The following TAFA1 variants were observed in gnomAD, a reference collection of about 807,000 sequenced individuals.
TAFA1 encodes chemokine-like protein TAFA-1.
In TAFA1, 4 loss-of-function variants were observed where a neutral mutation model predicts 18.5. The ratio of observed to expected loss-of-function variants is 0.22; its 90% CI spans 0.11 to 0.49. The LOEUF is 0.49. TAFA1 is among the 20% of genes least tolerant of loss of function. The pLI, the probability that TAFA1 is intolerant of heterozygous loss-of-function variation, is 0.98. For missense variants in TAFA1, 147 were observed against 169.0 expected (o/e 0.87, Z 0.72); for synonymous variants, 56 against 55.2 (o/e 1.01, Z -0.06).
At chr3:68,382,538 G>A (rs879457133) in intron 2 of TAFA1, among the ~76,000 whole-genome samples, 2 of 151,970 alleles carry the variant, frequency 1.3e-5, no homozygotes, top group Non-Finnish European at 2.9e-5. Flanking sequence ...TCGTTATGGG[G>A]CCTTATTTCT....
chr3:68,245,331 C>T (rs79557653), intron 2 of TAFA1, among the ~76,000 whole-genome samples: 3 of 152,286 alleles, frequency 2.0e-5, no homozygotes, highest in African/African-American at 7.2e-5. Flanking sequence ...TGATTTTTAG[C>T]AGAGGCCATG....
chr3:68,221,056 C>A (rs540734775), intron 2 of TAFA1, among the ~76,000 whole-genome samples: 1 of 152,148 alleles, frequency 6.6e-6, no homozygotes, highest in Non-Finnish European at 1.5e-5. Context: ...TCAAGTCCCA[C>A]GGGTCACACA....
chr3:68,043,593 G>A (rs1021891343), intron 2 of TAFA1, among the ~76,000 whole-genome samples: 1 of 152,126 alleles, frequency 6.6e-6, no homozygotes, highest in Non-Finnish European at 1.5e-5. Flanking sequence ...TTTTTCTCTG[G>A]CATCTAAAAG....
chr3:68,399,767 G>T (rs1004623358), intron 2 of TAFA1, among the ~76,000 whole-genome samples: 1 of 152,096 alleles, frequency 6.6e-6, no homozygotes, highest in East Asian at 1.9e-4. Flanking sequence ...GAGGTACATA[G>T]TTGGAACACT....
chr3:68,131,733 TG>T (rs2065540529), intron 2 of TAFA1, among the ~76,000 whole-genome samples: 1 of 152,216 alleles, frequency 6.6e-6, no homozygotes. Context: ...GTATCCTGGC[TG>T]GAGTTCAGCT....
the TAFA1 span, among the ~76,000 whole-genome samples, chr3:67,996,748 G>A: frequency 2.0e-5 from 3 of 151,640 alleles, no homozygotes; most frequent in South Asian, 4.2e-4. Flanking sequence ...GCAGTGAGCC[G>A]AGGTCACTGT....
At chr3:68,354,419 G>A (rs2069326480) in intron 2 of TAFA1, among the ~76,000 whole-genome samples, 1 of 151,844 alleles carries the variant, frequency 6.6e-6, no homozygotes, top group Admixed American at 6.6e-5. Context: ...GGCATGACAT[G>A]TGCCTTCATT....
chr3:68,100,228 T>C (rs916628513), intron 2 of TAFA1, among the ~76,000 whole-genome samples: 1 of 152,186 alleles, frequency 6.6e-6, no homozygotes, highest in Non-Finnish European at 1.5e-5. Context: ...TTCATGCCTG[T>C]AATCCCAGCA....
At chr3:68,445,465 T>G (rs114459025) in intron 3 of TAFA1, among the ~76,000 whole-genome samples, 2,109 of 152,308 alleles carry the variant, frequency 0.014, 56 homozygotes, top group Non-Finnish European at 0.014. Flanking sequence ...ATGGGCAAAC[T>G]AATTTTCTCT....
chr3:68,428,360 C>A lies in TAFA1; in HGVS notation c.259+10940C>A, dbSNP rs185136831. 4.7e-4 allele frequency among the ~76,000 whole-genome samples: 72 copies of A among 151,940 alleles called. No homozygotes were observed. In the East Asian group the frequency reaches 0.013, roughly 27 times the overall value. ...TTTGTTCCAGCCATTTTATTAGCTG[C>A]CTTCAAGTGAAGACCATCCATTAAC... On this transcript the variant is annotated intron_variant, in intron 3 of 4. Transcript: ENST00000478136.
At chr3:68,472,746 C>G (rs547860738) in intron 3 of TAFA1, among the ~76,000 whole-genome samples, 1 of 151,904 alleles carries the variant, frequency 6.6e-6, no homozygotes, top group African/African-American at 2.4e-5. Flanking sequence ...AAATAAAATG[C>G]CTATAAATCA....
intron 3 of TAFA1, among the ~76,000 whole-genome samples, chr3:68,517,888 TA>T (rs1179718068): frequency 6.6e-6 from 1 of 151,826 alleles, no homozygotes; most frequent in Admixed American, 6.6e-5. Flanking sequence ...GCACAGTTCC[TA>T]AAATATACCC....
intron 3 of TAFA1, among the ~76,000 whole-genome samples, chr3:68,476,807 T>C (rs2072105906): frequency 6.6e-6 from 1 of 152,206 alleles, no homozygotes; most frequent in Non-Finnish European, 1.5e-5. Context: ...CCAATATTAG[T>C]TATAACTATT....
At chr3:68,229,234 A>G (rs1352602932) in intron 2 of TAFA1, among the ~76,000 whole-genome samples, 1 of 152,214 alleles carries the variant, frequency 6.6e-6, no homozygotes, top group East Asian at 1.9e-4. Flanking sequence ...AGTCAAGCAG[A>G]TAACTAAGAT....
chr3:68,027,331 A>G (rs920331000), intron 2 of TAFA1, among the ~76,000 whole-genome samples: 1 of 152,132 alleles, frequency 6.6e-6, no homozygotes, highest in Admixed American at 6.6e-5. Context: ...GGGGCTATGG[A>G]AGATGTGGAT....
At chr3:68,115,169 T>A (rs2065310083) in intron 2 of TAFA1, among the ~76,000 whole-genome samples, 2 of 152,206 alleles carry the variant, frequency 1.3e-5, no homozygotes, top group Non-Finnish European at 2.9e-5. Flanking sequence ...TTTTATTTCT[T>A]GACTTGAGTG....
chr3:68,123,878 CAAAAAA>C (rs758966848), intron 2 of TAFA1, among the ~76,000 whole-genome samples: 4 of 72,140 alleles, frequency 5.5e-5, no homozygotes, highest in African/African-American at 1.3e-4. Context: ...CTTTTTTTTC[CAAAAAA>C]AAAAAAAAAA....
chr3:67,995,903 C>T, the TAFA1 span, among the ~76,000 whole-genome samples: 4 of 152,156 alleles, frequency 2.6e-5, no homozygotes, highest in African/African-American at 9.7e-5. Context: ...TCATAAAACA[C>T]CTAAAACATG....
chr3:68,305,537 C>G (rs1266270153), intron 2 of TAFA1, among the ~76,000 whole-genome samples: 1 of 144,828 alleles, frequency 6.9e-6, no homozygotes, highest in East Asian at 2.1e-4. Context: ...AGGGAGAATT[C>G]CTTGAAACAT....
Sources: gnomAD v4.1 joint callset for allele counts (sites outside exome capture counted in the v4.1 genomes callset) on GRCh38, gnomAD v4.1.1 for gene constraint, MANE v1.5 for transcripts, NCBI Gene and HGNC (gene_info 2026-07-23, HGNC 2026-07-21) for gene names.